The following NAALADL2 variants were observed in gnomAD, a reference collection of about 807,000 sequenced individuals.
NAALADL2 encodes inactive N-acetylated-alpha-linked acidic dipeptidase-like protein 2.
In NAALADL2, 76 loss-of-function variants were observed where a neutral mutation model predicts 87.2. The ratio of observed to expected loss-of-function variants is 0.87; its 90% CI spans 0.72 to 1.05. The LOEUF (loss-of-function observed/expected upper bound fraction) is 1.05, where lower values mean the gene tolerates loss of function less well. Among genes scored for constraint, NAALADL2 ranks in the 50% least tolerant of loss-of-function variants. The pLI, the probability that NAALADL2 is intolerant of heterozygous loss-of-function variation, is 0.00. For missense variants in NAALADL2, 1,089 were observed against 945.8 expected, an observed-to-expected ratio of 1.15 and a Z score of -1.99; for synonymous variants, 354 against 331.0, an observed-to-expected ratio of 1.07 and a Z score of -0.75.
intron 5 of NAALADL2, among the ~76,000 whole-genome samples, chr3:175,344,134 G>A (rs1290475523): frequency 6.6e-6 from 1 of 152,030 alleles, no homozygotes; most frequent in Non-Finnish European, 1.5e-5. Flanking sequence ...TTCTACTAGC[G>A]GTGAAGTAAG....
intron 11 of NAALADL2, among the ~76,000 whole-genome samples, chr3:175,667,241 A>AAAAGAAAGAAAGAAAAAGAAAG (rs1733286177): frequency 2.4e-4 from 22 of 91,712 alleles, no homozygotes; most frequent in African/African-American, 1.0e-3. Flanking sequence ...GAAAGAAAGA[A>AAAAGAAAGAAAGAAAAAGAAAG]AAAGAAAGAA....
chr3:175,398,348 T>TC (rs1553883992), intron 5 of NAALADL2, among the ~76,000 whole-genome samples: 3 of 81,764 alleles, frequency 3.7e-5, no homozygotes, highest in African/African-American at 9.7e-5. Context: ...CTGCTACTTT[T>TC]TTTTTTTTTT....
chr3:174,963,364 T>C lies in NAALADL2; in HGVS notation c.43+103914T>C, dbSNP rs187639213. On this transcript the variant is annotated intron_variant, in intron 1 of 13. Coordinates refer to ENST00000454872, the MANE Select transcript of NAALADL2 (RefSeq NM_207015.3). ...AAAATAAGAAATTGTATCATGGATA[T>C]TGGCATAAAAAATGTGAATATTATA... 1.7e-4 allele frequency among the ~76,000 whole-genome samples: 26 copies of C among 152,278 alleles called. No individual in the cohort carries two copies. In the East Asian group the frequency reaches 4.6e-3, roughly 27 times the overall value.
At chr3:174,766,430 A>G (rs1211424698) in intron 3 of NAALADL2, among the ~76,000 whole-genome samples, 2 of 152,176 alleles carry the variant, frequency 1.3e-5, no homozygotes, top group African/African-American at 2.4e-5. Context: ...GCGAGGTGTG[A>G]GTCAGAAATG....
At chr3:174,637,933 T>G (rs377029234) in intron 2 of NAALADL2, among the ~76,000 whole-genome samples, 1 of 152,060 alleles carries the variant, frequency 6.6e-6, no homozygotes, top group East Asian at 1.9e-4. Flanking sequence ...GTGTCAGAAA[T>G]AATCAAAATG....
At chr3:175,789,042 G>C (rs1425215044) in intron 13 of NAALADL2, among the ~76,000 whole-genome samples, 1 of 151,882 alleles carries the variant, frequency 6.6e-6, no homozygotes, top group Non-Finnish European at 1.5e-5. Flanking sequence ...AACTTCTTTA[G>C]AGTTTCTTTT....
At chr3:175,352,140 G>C (rs769809301) in intron 5 of NAALADL2, among the ~76,000 whole-genome samples, 1 of 150,978 alleles carries the variant, frequency 6.6e-6, no homozygotes, top group Non-Finnish European at 1.5e-5. Context: ...ATATTGGTGA[G>C]AGACAGAAGG....
In NAALADL2 at chr3:175,762,635, A is replaced by G. The variant is rs139615517; in HGVS notation, c.2189+7217A>G. On this transcript the variant is annotated intron_variant, in intron 13 of 13. Coordinates refer to ENST00000454872, the MANE Select transcript of NAALADL2 (RefSeq NM_207015.3). ...TAAGTGACCCAAGTTCTCTTTCCCCAGAATCACAGCAGTGAAGTATTTCCT... is the reference window on the plus strand; with the variant it reads ...TAAGTGACCCAAGTTCTCTTTCCCCGGAATCACAGCAGTGAAGTATTTCCT... Among the ~76,000 whole-genome samples the G allele has an allele frequency of 5.6e-3, 855 of 152,328 alleles. 12 individuals carry two copies. The highest frequency in any genetic ancestry group is 0.02 in the African/African-American group (820 of 41,576).
At chr3:175,028,379 A>G (rs1752447362) in intron 1 of NAALADL2, among the ~76,000 whole-genome samples, 1 of 152,124 alleles carries the variant, frequency 6.6e-6, no homozygotes, top group South Asian at 2.1e-4. Flanking sequence ...GGTAAGGACA[A>G]TTGGTATACA....
intron 2 of NAALADL2, among the ~76,000 whole-genome samples, chr3:174,663,052 T>C (rs73046308): frequency 0.045 from 6,791 of 152,260 alleles, 536 homozygotes; most frequent in African/African-American, 0.15. Context: ...GTAACAATTG[T>C]TTACAAAGCA....
chr3:174,804,080 AT>A (rs1290877826), intron 3 of NAALADL2, among the ~76,000 whole-genome samples: 1 of 152,092 alleles, frequency 6.6e-6, no homozygotes, highest in Non-Finnish European at 1.5e-5. Context: ...TTTTCACAAT[AT>A]TGATTCTTCC....
intron 3 of NAALADL2, among the ~76,000 whole-genome samples, chr3:174,767,340 A>AT (rs1277458386): frequency 6.6e-6 from 1 of 152,158 alleles, no homozygotes; most frequent in Non-Finnish European, 1.5e-5. Context: ...CTAGTGTGAG[A>AT]TTCTTTTATT....
chr3:174,562,642 G>A (rs552050323), intron 2 of NAALADL2, among the ~76,000 whole-genome samples: 4 of 151,878 alleles, frequency 2.6e-5, no homozygotes, highest in African/African-American at 9.7e-5. Flanking sequence ...TTGCCACCTC[G>A]CTGGACCCCA....
intron 3 of NAALADL2, among the ~76,000 whole-genome samples, chr3:175,243,218 T>C (rs1392017263): frequency 6.6e-6 from 1 of 151,776 alleles, no homozygotes; most frequent in East Asian, 1.9e-4. Flanking sequence ...CAAGGCCTAA[T>C]TAAGGACAAG....
intron 10 of NAALADL2, among the ~76,000 whole-genome samples, chr3:175,589,084 C>T (rs1720991405): frequency 6.6e-6 from 1 of 152,068 alleles, no homozygotes; most frequent in African/African-American, 2.4e-5. Context: ...GTGTTTGAAT[C>T]TTAATGAGAA....
chr3:174,774,754 T>A (rs1182185457), intron 3 of NAALADL2, among the ~76,000 whole-genome samples: 1 of 152,194 alleles, frequency 6.6e-6, no homozygotes, highest in Non-Finnish European at 1.5e-5. Context: ...ATACAGTAGA[T>A]TCTGAACATC....
At chr3:175,542,820 C>G (rs1352858929) in intron 9 of NAALADL2, among the ~76,000 whole-genome samples, 1 of 152,136 alleles carries the variant, frequency 6.6e-6, no homozygotes. Context: ...TTTTGATAAG[C>G]CAATTCAATT....
chr3:175,737,848 T>A (rs1007465880), intron 12 of NAALADL2, among the ~76,000 whole-genome samples: 1 of 151,604 alleles, frequency 6.6e-6, no homozygotes, highest in East Asian at 1.9e-4. Context: ...ACTGAGTTAT[T>A]GGCTCAGACT....
At chr3:175,099,308 A>G (rs1004481637) in intron 2 of NAALADL2, among the ~76,000 whole-genome samples, 2 of 152,202 alleles carry the variant, frequency 1.3e-5, no homozygotes, top group East Asian at 3.8e-4. Context: ...ACAAAGTAAC[A>G]TGTATGTCAA....
Sources: allele counts gnomAD v4.1 joint callset (sites outside exome capture counted in the v4.1 genomes callset), GRCh38; gene constraint gnomAD v4.1.1; transcripts MANE v1.5; gene names NCBI Gene and HGNC (gene_info 2026-07-23, HGNC 2026-07-21).